KIAA0825: variants seen among roughly 807,000 people sequenced by gnomAD.
The protein encoded by KIAA0825 is uncharacterized protein KIAA0825.
In KIAA0825, 119 loss-of-function variants were observed where a neutral mutation model predicts 147.6. The ratio of observed to expected loss-of-function variants is 0.81; its 90% CI spans 0.69 to 0.94. KIAA0825 has a LOEUF of 0.94. Ranked by LOEUF, KIAA0825 falls within the 40% of genes least tolerant of loss-of-function variation. KIAA0825 has a pLI of 0.00. For synonymous variants in KIAA0825, 470 were observed against 518.1 expected (o/e 0.91, Z 1.26); for missense variants, 1,381 against 1,472.7 (o/e 0.94, Z 1.02).
chr5:94,192,630 C>T (rs1464542501), intron 20 of KIAA0825, among the ~76,000 whole-genome samples: 1 of 151,892 alleles, frequency 6.6e-6, no homozygotes, highest in Non-Finnish European at 1.5e-5. Flanking sequence ...TTTTTAACTA[C>T]CCTTACCTGC....
chr5:94,594,382 T>C, intron 1 of KIAA0825: 1 of 763,544 alleles, frequency 1.3e-6, no homozygotes, highest in Non-Finnish European at 2.4e-6. Context: ...TTAGCAGAGG[T>C]ACTAGGAGGA....
chr5:94,489,707 G>A (rs1447060514), intron 5 of KIAA0825, among the ~76,000 whole-genome samples: 6 of 151,564 alleles, frequency 4.0e-5, no homozygotes, highest in South Asian at 2.1e-4. Flanking sequence ...CCAACATGGC[G>A]AAACCCTGTC....
chr5:94,251,264 C>T (rs1273711285), intron 20 of KIAA0825, among the ~76,000 whole-genome samples: 3 of 152,078 alleles, frequency 2.0e-5, no homozygotes, highest in African/African-American at 7.2e-5. Context: ...AAAAGAACAT[C>T]TTAATATAAT....
At chr5:94,430,176 A>G (rs1159561572) in intron 14 of KIAA0825, among the ~76,000 whole-genome samples, 2 of 152,216 alleles carry the variant, frequency 1.3e-5, no homozygotes, top group Non-Finnish European at 1.5e-5. Context: ...ATCTCTGTAC[A>G]GAAAGAGTAG....
chr5:94,309,585 C>T (rs940952328), intron 20 of KIAA0825, among the ~76,000 whole-genome samples: 2 of 151,690 alleles, frequency 1.3e-5, no homozygotes, highest in Non-Finnish European at 2.9e-5. Context: ...GGGAAAGCCT[C>T]TACGGAGGCA....
At chr5:94,606,515 G>A (rs1300557120) in intron 1 of KIAA0825, among the ~76,000 whole-genome samples, 1 of 152,112 alleles carries the variant, frequency 6.6e-6, no homozygotes, top group Non-Finnish European at 1.5e-5. Flanking sequence ...ACACTACAAG[G>A]CAACAGTGAC....
chr5:94,389,712 A>G (rs1016971894), intron 18 of KIAA0825, among the ~76,000 whole-genome samples: 1 of 152,208 alleles, frequency 6.6e-6, no homozygotes, highest in Non-Finnish European at 1.5e-5. Context: ...ATGCAATGTC[A>G]CTTACAGCAT....
At chr5:94,179,168 G>A (rs1769374043) in intron 20 of KIAA0825, among the ~76,000 whole-genome samples, 1 of 152,056 alleles carries the variant, frequency 6.6e-6, no homozygotes, top group African/African-American at 2.4e-5. Flanking sequence ...CATACTTTTG[G>A]AGAGTGATGA....
At chr5:94,268,186 A>G (rs1776817313) in intron 20 of KIAA0825, among the ~76,000 whole-genome samples, 1 of 152,170 alleles carries the variant, frequency 6.6e-6, no homozygotes, top group Non-Finnish European at 1.5e-5. Context: ...GAGATTTTTA[A>G]GAACAATTCT....
At chr5:94,455,232 A>G (rs1346939948) in intron 12 of KIAA0825, among the ~76,000 whole-genome samples, 2 of 152,170 alleles carry the variant, frequency 1.3e-5, no homozygotes, top group Admixed American at 6.5e-5. Context: ...AAGATCGTCA[A>G]AGATAAAACT....
At chr5:94,385,390 G>C (rs1428128339) in intron 19 of KIAA0825, among the ~76,000 whole-genome samples, 2 of 152,180 alleles carry the variant, frequency 1.3e-5, no homozygotes, top group African/African-American at 4.8e-5. Flanking sequence ...CTCCACTACA[G>C]TATTGATGAG....
chr5:94,364,032 T>C (rs887193455), intron 20 of KIAA0825, among the ~76,000 whole-genome samples: 4 of 151,912 alleles, frequency 2.6e-5, no homozygotes, highest in South Asian at 2.1e-4. Context: ...ACCACTGTGC[T>C]TTACAGTACA....
chr5:94,565,578 G>A (rs1778566791), intron 2 of KIAA0825, among the ~76,000 whole-genome samples: 1 of 151,984 alleles, frequency 6.6e-6, no homozygotes, highest in Non-Finnish European at 1.5e-5. Flanking sequence ...CTGACCTCAA[G>A]TGATCCACCC....
chr5:94,538,444 A>G (rs1300473302), intron 2 of KIAA0825, among the ~76,000 whole-genome samples: 2 of 152,218 alleles, frequency 1.3e-5, no homozygotes, highest in Non-Finnish European at 2.9e-5. Context: ...AGAGCTCTCT[A>G]GTGAGAGCTA....
rs188694020 is a variant in KIAA0825 at position 94,233,135 on chromosome 5, A to C, written c.3711-79011T>G. ...CGAAGGCCAGAGGCAAAAAGAGGCA[A>C]AACAAGGAACATAAAAATAGAGAAT... On this transcript the variant is annotated intron_variant, in intron 20 of 20. Coordinates refer to ENST00000682413, the MANE Select transcript of KIAA0825 (RefSeq NM_001145678.3). 1.8e-3 allele frequency among the ~76,000 whole-genome samples: 273 copies of C among 152,348 alleles called. 1 individual carries two copies. The highest frequency in any genetic ancestry group is 6.3e-3 in the African/African-American group (261 of 41,592).
chr5:94,317,777 A>G (rs1779788360), intron 20 of KIAA0825, among the ~76,000 whole-genome samples: 1 of 151,864 alleles, frequency 6.6e-6, no homozygotes. Flanking sequence ...ATATATGTAG[A>G]TTGCATTTAA....
intron 20 of KIAA0825, among the ~76,000 whole-genome samples, chr5:94,313,176 C>G (rs1779334102): frequency 6.6e-6 from 1 of 151,498 alleles, no homozygotes; most frequent in Non-Finnish European, 1.5e-5. Context: ...TCTTTAAATA[C>G]TGGTAATTAT....
chr5:94,587,256 C>T (rs1241971116), intron 1 of KIAA0825, among the ~76,000 whole-genome samples: 3 of 152,026 alleles, frequency 2.0e-5, no homozygotes, highest in Non-Finnish European at 4.4e-5. Flanking sequence ...TCAAATTGTC[C>T]CTGTTTGCAG....
Position 94,309,588 on chromosome 5 carries a change from C to T in KIAA0825, c.3710+74780G>A, listed in dbSNP as rs140226276. Among the ~76,000 whole-genome samples the T allele has an allele frequency of 2.2e-4, 33 of 151,778 alleles. No individual in the cohort carries two copies. The East Asian group carries it at 3.9e-3, about 18-fold the overall frequency. On this transcript the variant is annotated intron_variant, in intron 20 of 20. Transcript: ENST00000682413. The stretch of plus-strand genomic sequence containing the variant: ...GCAAGAGTGTTTGGGAAAGCCTCTA[C>T]GGAGGCACTCAGCATTGAGCCTTCA...
Sources: allele counts gnomAD v4.1 joint callset (sites outside exome capture counted in the v4.1 genomes callset), GRCh38; gene constraint gnomAD v4.1.1; transcripts MANE v1.5; gene names NCBI Gene and HGNC (gene_info 2026-07-23, HGNC 2026-07-21).